RBFOX1: variants seen among roughly 807,000 people sequenced by gnomAD.
RBFOX1 encodes the protein RNA binding protein fox-1 homolog 1.
Under a neutral mutation model 57.7 loss-of-function variants are expected in RBFOX1, and 8 were observed. That is an observed-to-expected ratio of 0.14 (90% CI 0.08 to 0.25). The LOEUF (loss-of-function observed/expected upper bound fraction) is 0.25, where lower values mean the gene tolerates loss of function less well. RBFOX1 is among the 10% of genes least tolerant of loss of function. RBFOX1 has a pLI of 1.00. For synonymous variants in RBFOX1, 326 were observed against 222.4 expected, an observed-to-expected ratio of 1.47 and a Z score of -4.15; for missense variants, 611 against 548.5, an observed-to-expected ratio of 1.11 and a Z score of -1.14.
At chr16:6,001,828 G>A (rs1284149505) in intron 4 of RBFOX1, among the ~76,000 whole-genome samples, 1 of 152,140 alleles carries the variant, frequency 6.6e-6, no homozygotes, top group African/African-American at 2.4e-5. Flanking sequence ...ACTGCAATAA[G>A]CCAAACTGGA....
chr16:5,389,518 C>A (rs1188035869), intron 1 of RBFOX1, among the ~76,000 whole-genome samples: 1 of 152,078 alleles, frequency 6.6e-6, no homozygotes, highest in Admixed American at 6.5e-5. Flanking sequence ...AAAGTCACTC[C>A]AGCTGAAAAT....
intron 4 of RBFOX1, among the ~76,000 whole-genome samples, chr16:7,415,206 C>T (rs1377549454): frequency 6.6e-6 from 1 of 152,134 alleles, no homozygotes; most frequent in African/African-American, 2.4e-5. Flanking sequence ...TTCAAATGTC[C>T]CAGAGGCAGG....
chr16:6,714,024 G>A (rs2064260723), intron 3 of RBFOX1, among the ~76,000 whole-genome samples: 1 of 152,238 alleles, frequency 6.6e-6, no homozygotes. Flanking sequence ...TAATACCCAT[G>A]TGTGGAGGAA....
intron 3 of RBFOX1, among the ~76,000 whole-genome samples, chr16:6,850,137 C>T (rs1178470888): frequency 6.6e-6 from 1 of 152,120 alleles, no homozygotes; most frequent in African/African-American, 2.4e-5. Flanking sequence ...CTTACAAGTT[C>T]CTGCACCCTA....
intron 4 of RBFOX1, among the ~76,000 whole-genome samples, chr16:7,217,056 T>TCCCTCCCTCCCTCTCCCTCC (rs1322387691): frequency 1.8e-5 from 1 of 56,040 alleles, no homozygotes; most frequent in African/African-American, 6.8e-5. Context: ...TCCCTCCCTC[T>TCCCTCCCTCCCTCTCCCTCC]CTCTCCCTCT....
At chr16:7,110,317 T>C (rs1287755327) in intron 4 of RBFOX1, among the ~76,000 whole-genome samples, 1 of 151,944 alleles carries the variant, frequency 6.6e-6, no homozygotes, top group Non-Finnish European at 1.5e-5. Flanking sequence ...ACTATGATCA[T>C]GCCACTGCAC....
chr16:6,963,043 C>T (rs916319519), intron 3 of RBFOX1, among the ~76,000 whole-genome samples: 3 of 152,130 alleles, frequency 2.0e-5, no homozygotes, highest in Non-Finnish European at 2.9e-5. Flanking sequence ...GAAACACAGT[C>T]ACTGTGTGAA....
At chr16:5,356,257 G>A (rs1167731838) in intron 1 of RBFOX1, among the ~76,000 whole-genome samples, 1 of 152,280 alleles carries the variant, frequency 6.6e-6, no homozygotes, top group Non-Finnish European at 1.5e-5. Flanking sequence ...CTCCCTCAGA[G>A]CCTCCAGAAG....
At chr16:6,297,323 A>G (rs778502046) in intron 1 of RBFOX1, among the ~76,000 whole-genome samples, 2 of 152,110 alleles carry the variant, frequency 1.3e-5, no homozygotes, top group African/African-American at 2.4e-5. Flanking sequence ...CCCAGCCCAT[A>G]TTCAAGATGG....
rs537084711 is a variant in RBFOX1 at position 5,796,636 on chromosome 16, G to A, written c.319-70667G>A. Among the ~76,000 whole-genome samples the A allele has an allele frequency of 1.1e-4, 16 of 152,230 alleles. No homozygotes were observed. The East Asian group carries it at 1.5e-3, about 15-fold the overall frequency. On this transcript the variant is annotated intron_variant, in intron 3 of 19. Transcript: ENST00000641259. ...TGAGCACTAATTAGGCTCCACTTAC[G>A]GTGCTGACTGTTTACTTGTCAATGC...
At chr16:5,407,251 G>T (rs974991097) in intron 1 of RBFOX1, among the ~76,000 whole-genome samples, 9 of 152,158 alleles carry the variant, frequency 5.9e-5, no homozygotes, top group South Asian at 2.1e-4. Context: ...CCATGATCCA[G>T]TCCCCTCCCA....
chr16:5,296,432 G>C (rs2063670040), intron 1 of RBFOX1, among the ~76,000 whole-genome samples: 1 of 151,964 alleles, frequency 6.6e-6, no homozygotes, highest in African/African-American at 2.4e-5. Context: ...AACCCATTGA[G>C]TCTATTTAAT....
chr16:6,591,563 G>C (rs552042777), intron 2 of RBFOX1, among the ~76,000 whole-genome samples: 1 of 152,294 alleles, frequency 6.6e-6, no homozygotes, highest in African/African-American at 2.4e-5. Context: ...GCTGGGAGAG[G>C]AGACCATTTA....
At chr16:6,085,076 A>T (rs2096064722) in intron 1 of RBFOX1, among the ~76,000 whole-genome samples, 1 of 152,164 alleles carries the variant, frequency 6.6e-6, no homozygotes, top group Non-Finnish European at 1.5e-5. Context: ...AAGCTGTCTC[A>T]GGCAGAGTGC....
chr16:6,164,460 G>A (rs1312547634), intron 1 of RBFOX1, among the ~76,000 whole-genome samples: 1 of 143,914 alleles, frequency 6.9e-6, no homozygotes, highest in African/African-American at 2.6e-5. Flanking sequence ...TTTTTGCATT[G>A]TTATATTGAT....
intron 1 of RBFOX1, among the ~76,000 whole-genome samples, chr16:5,412,038 G>A (rs959350413): frequency 1.1e-4 from 17 of 152,142 alleles, no homozygotes; most frequent in Admixed American, 1.3e-4. Flanking sequence ...GTTTCTTTGA[G>A]TACCATTTGC....
At chr16:7,283,661 T>G (rs1316185847) in intron 4 of RBFOX1, among the ~76,000 whole-genome samples, 1 of 152,112 alleles carries the variant, frequency 6.6e-6, no homozygotes, top group African/African-American at 2.4e-5. Flanking sequence ...TTAATTGGCA[T>G]CTTCTAAAAT....
At chr16:5,611,719 T>TATCCATCCATCCATCCATCC (rs61156757) in intron 3 of RBFOX1, among the ~76,000 whole-genome samples, 7,503 of 114,486 alleles carry the variant, frequency 0.066, 667 homozygotes, top group African/African-American at 0.18. Context: ...TCCATCCATC[T>TATCCATCCATCCATCCATCC]ATCCATCCAT....
intron 3 of RBFOX1, among the ~76,000 whole-genome samples, chr16:6,898,061 T>C (rs954469974): frequency 1.3e-5 from 2 of 152,208 alleles, no homozygotes; most frequent in Non-Finnish European, 2.9e-5. Flanking sequence ...ATATAATGCC[T>C]GATACTTGGC....
Sources: gnomAD v4.1 joint callset for allele counts (sites outside exome capture counted in the v4.1 genomes callset) on GRCh38, gnomAD v4.1.1 for gene constraint, MANE v1.5 for transcripts, NCBI Gene and HGNC (gene_info 2026-07-23, HGNC 2026-07-21) for gene names.